The following ANKH variants were observed in gnomAD, a reference collection of about 807,000 sequenced individuals.
ANKH encodes ANKH inorganic pyrophosphate transport regulator, also known as mineralization regulator ANKH.
In ANKH, 15 loss-of-function variants were observed where a neutral mutation model predicts 49.0. The observed-to-expected ratio is 0.31, with a 90% CI of 0.20 to 0.47. ANKH has a LOEUF of 0.47. Ranked by LOEUF, ANKH falls within the 20% of genes least tolerant of loss-of-function variation. ANKH has a pLI of 1.00. For missense variants in ANKH, 429 were observed against 652.0 expected, an observed-to-expected ratio of 0.66 and a Z score of 3.72; for synonymous variants, 273 against 260.0, an observed-to-expected ratio of 1.05 and a Z score of -0.48.
In ANKH at chr5:14,745,593, C is replaced by T. The variant is rs576182012; in HGVS notation, c.915+277G>A. ...TGATTTTGGGGGAAGTTTATTTTCC[C>T]TTTCGCAAACAAATCATTTCTCAAT... On this transcript the variant is annotated intron_variant, in intron 7 of 11. Coordinates refer to ENST00000284268, the MANE Select transcript of ANKH (RefSeq NM_054027.6). This position sits in a 1 kb window ranked among gnomAD's most constrained non-coding sequence, Gnocchi z 4.7. Among the ~76,000 whole-genome samples, 1 of 152,330 alleles carries T rather than the reference C, an allele frequency of 6.6e-6. No homozygotes were observed. Among genetic ancestry groups the T allele is most frequent in the East Asian group, 1.9e-4 (1 of 5,172 alleles).
chr5:14,798,070 CTG>C, intron 1 of ANKH: 1 of 1,585,338 alleles, frequency 6.3e-7, no homozygotes, highest in Non-Finnish European at 8.7e-7. Context: ...TTTCCACTAA[CTG>C]AACCAAAACC....
At chr5:14,730,290 G>C (rs1737955135) in intron 8 of ANKH, among the ~76,000 whole-genome samples, 1 of 152,210 alleles carries the variant, frequency 6.6e-6, no homozygotes, top group Non-Finnish European at 1.5e-5. Flanking sequence ...CTGACAAAGA[G>C]AGTGGCCATG....
chr5:14,739,262 C>T (rs1738279627), intron 8 of ANKH, among the ~76,000 whole-genome samples: 1 of 151,968 alleles, frequency 6.6e-6, no homozygotes, highest in South Asian at 2.1e-4. Flanking sequence ...ACTAAAAACA[C>T]AAAAATCAGC....
intron 1 of ANKH, chr5:14,797,181 T>C (rs1740416516): frequency 3.0e-6 from 4 of 1,341,482 alleles, no homozygotes; most frequent in Non-Finnish European, 4.3e-6. Context: ...ATTATAAATG[T>C]TCTCTGCCAT....
At chr5:14,712,443 G>A (rs908220307) in intron 11 of ANKH, among the ~76,000 whole-genome samples, 7 of 152,190 alleles carry the variant, frequency 4.6e-5, no homozygotes, top group African/African-American at 7.2e-5. Flanking sequence ...TCTCTGCTCC[G>A]CCCATGACCA....
At chr5:14,811,835 C>T (rs1740891770) in intron 1 of ANKH, among the ~76,000 whole-genome samples, 1 of 152,022 alleles carries the variant, frequency 6.6e-6, no homozygotes, top group Admixed American at 6.6e-5. Flanking sequence ...TCTCATTTAC[C>T]TTTTCATAAA....
intron 4 of ANKH, among the ~76,000 whole-genome samples, chr5:14,753,463 G>C (rs978582355): frequency 6.6e-6 from 1 of 152,166 alleles, no homozygotes; most frequent in Non-Finnish European, 1.5e-5. Flanking sequence ...ACAGGAATGC[G>C]GGGGATGTAC....
chr5:14,852,738 C>T (rs994040595), intron 1 of ANKH, among the ~76,000 whole-genome samples: 4 of 152,048 alleles, frequency 2.6e-5, no homozygotes, highest in African/African-American at 7.2e-5. Flanking sequence ...TTCTATTGCC[C>T]GTCCCCCAAA....
chr5:14,794,979 G>A (rs192630287), intron 1 of ANKH, among the ~76,000 whole-genome samples: 70 of 152,348 alleles, frequency 4.6e-4, no homozygotes, highest in African/African-American at 1.4e-3. Context: ...GTAGGAGGAG[G>A]TGGTACACAG....
At chr5:14,850,399 T>C (rs1259044705) in intron 1 of ANKH, among the ~76,000 whole-genome samples, 2 of 152,262 alleles carry the variant, frequency 1.3e-5, no homozygotes, top group African/African-American at 4.8e-5. Flanking sequence ...CTCTGGATGA[T>C]AGAAGATGGG....
chr5:14,800,721 T>TTTTTTTC (rs1436415291), intron 1 of ANKH, among the ~76,000 whole-genome samples: 2,228 of 150,802 alleles, frequency 0.015, 75 homozygotes, highest in African/African-American at 0.052. Flanking sequence ...ATATAACATT[T>TTTTTTTC]TTTTTCTTTT....
chr5:14,768,829 G>A (rs1452354531), intron 2 of ANKH, 146 bp downstream of exon 2: 5 of 870,780 alleles, frequency 5.7e-6, no homozygotes, highest in East Asian at 2.6e-5. Context: ...GAGCACAAGC[G>A]CTTTCCTTCT....
rs574197014 is a variant in ANKH at position 14,857,230 on chromosome 5, T to C, written c.96+14122A>G. Among the ~76,000 whole-genome samples the C allele has an allele frequency of 1.8e-4, 28 of 152,318 alleles. 1 individual carries two copies. The South Asian group carries it at 4.8e-3, about 26-fold the overall frequency. Reference sequence around the variant, plus strand: ...GCAGGAGGTGAGATCTTCCCAGATATACAGGGAAGTAAAACCAATACAGCC... The same window carrying C: ...GCAGGAGGTGAGATCTTCCCAGATACACAGGGAAGTAAAACCAATACAGCC... On this transcript the variant is annotated intron_variant, in intron 1 of 11. Transcript: ENST00000284268.
At chr5:14,823,932 AAAAC>A (rs929703777) in intron 1 of ANKH, among the ~76,000 whole-genome samples, 2 of 152,182 alleles carry the variant, frequency 1.3e-5, no homozygotes, top group African/African-American at 2.4e-5. Context: ...TCCATCTCAA[AAAAC>A]AAACAAACAA....
chr5:14,859,387 T>C (rs981540425), intron 1 of ANKH, among the ~76,000 whole-genome samples: 1 of 152,256 alleles, frequency 6.6e-6, no homozygotes, highest in South Asian at 2.1e-4. Flanking sequence ...TGCCTGTATA[T>C]GCCCCATTTT....
chr5:14,841,305 T>G (rs1475999700), intron 1 of ANKH, among the ~76,000 whole-genome samples: 1 of 117,440 alleles, frequency 8.5e-6, no homozygotes, highest in Admixed American at 9.0e-5. Context: ...ATTTATTTTG[T>G]TTTTTTTTTT....
At chr5:14,825,347 TTTTC>T (rs1048530954) in intron 1 of ANKH, among the ~76,000 whole-genome samples, 2 of 152,234 alleles carry the variant, frequency 1.3e-5, no homozygotes, top group South Asian at 4.1e-4. Flanking sequence ...TTCTTGGTGA[TTTTC>T]TTTCTTTTTT....
In ANKH at chr5:14,748,849, T is replaced by G. The variant is rs10080009; in HGVS notation, c.822+323A>C. On this transcript the variant is annotated intron_variant, in intron 6 of 11. Coordinates refer to ENST00000284268, the MANE Select transcript of ANKH (RefSeq NM_054027.6). The stretch of plus-strand genomic sequence containing the variant: ...GTGGACATGGAAAACTGAGTGGGAG[T>G]CAGAAAACCTGGATTCTAACACTAG... 0.19 allele frequency among the ~76,000 whole-genome samples: 29,599 copies of G among 152,148 alleles called. 3,056 individuals carry two copies. Among genetic ancestry groups the G allele is most frequent in the African/African-American group, 0.22 (9,159 of 41,502 alleles).
At chr5:14,741,268 T>C (rs1738344857) in intron 8 of ANKH, 1 of 158,074 alleles carries the variant, frequency 6.3e-6, no homozygotes, top group African/African-American at 2.4e-5. Flanking sequence ...TATTTAAGGT[T>C]GCGCATAGAA....
Sources: gnomAD v4.1 joint callset for allele counts (sites outside exome capture counted in the v4.1 genomes callset) on GRCh38, gnomAD v4.1.1 for gene constraint, Gnocchi (gnomAD v3.1) non-coding constraint, MANE v1.5 for transcripts, NCBI Gene and HGNC (gene_info 2026-07-23, HGNC 2026-07-21) for gene names.